WLS: variants seen among roughly 807,000 people sequenced by gnomAD.
WLS encodes Wnt ligand secretion mediator, also known as protein wntless homolog.
Under a neutral mutation model 62.8 loss-of-function variants are expected in WLS, and 23 were observed. The ratio of observed to expected loss-of-function variants is 0.37; its 90% confidence interval spans 0.26 to 0.52. The LOEUF (loss-of-function observed/expected upper bound fraction) is 0.52. WLS is among the 20% of genes least tolerant of loss of function. WLS has a pLI of 0.92. For synonymous variants in WLS, 246 were observed against 244.1 expected, an observed-to-expected ratio of 1.01 and a Z score of -0.07; for missense variants, 615 against 697.3, an observed-to-expected ratio of 0.88 and a Z score of 1.33.
At chr1:68,186,587 A>G (rs955588443) in intron 2 of WLS, 34 of 455,910 alleles carry the variant, frequency 7.5e-5, no homozygotes, top group Non-Finnish European at 1.5e-4. Context: ...GCAGGAAGCC[A>G]TCATGTGTAA....
rs1444371204 is a variant in WLS at position 68,198,359 on chromosome 1, C to T, written c.107-4132G>A. On this transcript the variant is annotated intron_variant, in intron 1 of 11. Coordinates refer to ENST00000262348, the MANE Select transcript of WLS (RefSeq NM_024911.7). ...GTTCTTTTTACTTTATCAAACATGACCATTTTATTTTGTCTGTATTTCAAT... is the reference window on the plus strand; with the variant it reads ...GTTCTTTTTACTTTATCAAACATGATCATTTTATTTTGTCTGTATTTCAAT... Among the ~76,000 whole-genome samples the T allele has an allele frequency of 3.3e-5, 5 of 152,110 alleles. No homozygotes were observed. In the East Asian group the frequency reaches 9.6e-4, roughly 29 times the overall value.
intron 1 of WLS, among the ~76,000 whole-genome samples, chr1:68,194,793 A>T (rs1291513805): frequency 6.6e-6 from 1 of 152,220 alleles, no homozygotes; most frequent in African/African-American, 2.4e-5. Flanking sequence ...GACACCAGTT[A>T]GCTTGGTACC....
At position 68,185,915 on chromosome 1, in the gene WLS, C is replaced by T. The variant is rs560772872; in HGVS notation, c.379+8040G>A. ...AGCGAGTGACTCAATCTTTAGGCCT[C>T]TTCCCTCCTGGCTGTTGGTGGGTGG... On this transcript the variant is annotated intron_variant, in intron 2 of 11. Transcript: ENST00000262348. Among the ~76,000 whole-genome samples, 11 of 152,302 alleles carry T rather than the reference C, an allele frequency of 7.2e-5. No homozygotes were observed. In the South Asian group the frequency reaches 2.3e-3, roughly 32 times the overall value.
At chr1:68,188,095 G>C (rs553295980) in intron 2 of WLS, among the ~76,000 whole-genome samples, 2 of 152,278 alleles carry the variant, frequency 1.3e-5, no homozygotes, top group East Asian at 3.9e-4. Context: ...GGAACCTGTG[G>C]CAAGTACCTG....
chr1:68,170,160 C>CTTTTTTTCTT (rs1553131191), intron 2 of WLS, among the ~76,000 whole-genome samples: 40 of 86,768 alleles, frequency 4.6e-4, no homozygotes, highest in South Asian at 8.4e-4. Flanking sequence ...GCTACTATTT[C>CTTTTTTTCTT]TTTTTTTTTT....
chr1:68,104,637 C>T (rs569731039), intron 11 of WLS, among the ~76,000 whole-genome samples: 9 of 152,266 alleles, frequency 5.9e-5, no homozygotes, highest in East Asian at 1.9e-4. Flanking sequence ...CAGCCTGGTG[C>T]GATGGCTTGC....
chr1:68,117,319 A>G (rs1267329397), intron 11 of WLS: 2 of 152,266 alleles, frequency 1.3e-5, no homozygotes, highest in Admixed American at 6.5e-5. Context: ...ATGTAATTTG[A>G]TAACTAGACC....
rs188579927 is a variant in WLS, at chr1:68,175,479, C to A, written c.380-16232G>T. ...CTAAAAAGGCCACTATTTAGCCAAACAATTTGAGTAAGTCACTTTACATAA... is the reference window on the plus strand; with the variant it reads ...CTAAAAAGGCCACTATTTAGCCAAAAAATTTGAGTAAGTCACTTTACATAA... On this transcript the variant is annotated intron_variant, in intron 2 of 11. Transcript: ENST00000262348. Among the ~76,000 whole-genome samples, 607 of 152,320 alleles carry A rather than the reference C, an allele frequency of 4.0e-3. 5 individuals carry two copies. The highest frequency in any genetic ancestry group is 0.014 in the African/African-American group (580 of 41,566).
At chr1:68,142,172 A>G (rs541412628) in intron 10 of WLS, among the ~76,000 whole-genome samples, 68 of 152,360 alleles carry the variant, frequency 4.5e-4, no homozygotes, top group African/African-American at 1.6e-3. Context: ...TTCAGGGATC[A>G]GTCCTTCTTG....
chr1:68,156,166 A>G (rs1313980336), intron 3 of WLS, among the ~76,000 whole-genome samples: 1 of 152,146 alleles, frequency 6.6e-6, no homozygotes, highest in Non-Finnish European at 1.5e-5. Context: ...ATAAAGAGGC[A>G]TGAGCTTCAG....
At chr1:68,178,705 C>CAAAAAAAAAAAAAA (rs376126398) in intron 2 of WLS, among the ~76,000 whole-genome samples, 23 of 108,192 alleles carry the variant, frequency 2.1e-4, no homozygotes, top group African/African-American at 7.0e-4. Flanking sequence ...GACTACATTT[C>CAAAAAAAAAAAAAA]AAAAAAAAAA....
At chr1:68,114,966 A>G (rs1444353585) in intron 11 of WLS, among the ~76,000 whole-genome samples, 1 of 152,218 alleles carries the variant, frequency 6.6e-6, no homozygotes, top group African/African-American at 2.4e-5. Context: ...GGCTCAGCAC[A>G]GTGCTGGACT....
At chr1:68,179,877 G>C (rs922714478) in intron 2 of WLS, among the ~76,000 whole-genome samples, 1 of 152,056 alleles carries the variant, frequency 6.6e-6, no homozygotes, top group Non-Finnish European at 1.5e-5. Flanking sequence ...GGTAGATCTC[G>C]AATTACTGAA....
intron 2 of WLS, among the ~76,000 whole-genome samples, chr1:68,175,555 T>A (rs2566754): frequency 6.6e-5 from 10 of 152,218 alleles, no homozygotes; most frequent in South Asian, 2.1e-4. Context: ...ACTAAGATCC[T>A]TTCTAGTTCT....
intron 2 of WLS, among the ~76,000 whole-genome samples, chr1:68,166,255 C>A (rs1383284581): frequency 2.0e-5 from 3 of 152,088 alleles, no homozygotes; most frequent in African/African-American, 7.2e-5. Context: ...ATTGAAATTG[C>A]CTTAAAATAA....
chr1:68,111,384 T>C (rs984596698), intron 11 of WLS, among the ~76,000 whole-genome samples: 8 of 152,218 alleles, frequency 5.3e-5, no homozygotes, highest in Non-Finnish European at 8.8e-5. Flanking sequence ...GTACTAATTC[T>C]TGTTTTTTCT....
intron 2 of WLS, among the ~76,000 whole-genome samples, chr1:68,190,822 C>G (rs149522458): frequency 6.6e-6 from 1 of 152,168 alleles, no homozygotes; most frequent in African/African-American, 2.4e-5. Context: ...CTTTGGGAGG[C>G]CGAAGTGAGT....
At chr1:68,138,749 C>T (rs1646647187) in intron 10 of WLS, among the ~76,000 whole-genome samples, 1 of 152,170 alleles carries the variant, frequency 6.6e-6, no homozygotes. Flanking sequence ...TTTGTGCCAG[C>T]TCTGAGACAA....
At chr1:68,127,514 A>G (rs1385070434) in intron 11 of WLS, among the ~76,000 whole-genome samples, 1 of 152,172 alleles carries the variant, frequency 6.6e-6, no homozygotes, top group African/African-American at 2.4e-5. Flanking sequence ...CTGCCATAAG[A>G]CAAGTGAATG....
Sources: allele counts gnomAD v4.1 joint callset (sites outside exome capture counted in the v4.1 genomes callset), GRCh38; gene constraint gnomAD v4.1.1; transcripts MANE v1.5; gene names NCBI Gene and HGNC (gene_info 2026-07-23, HGNC 2026-07-21).